The following CEP128 variants were observed in gnomAD, a reference collection of about 807,000 sequenced individuals.
CEP128 encodes the protein centrosomal protein 128.
In CEP128, 132 loss-of-function variants were observed where a neutral mutation model predicts 156.7. That is an observed-to-expected ratio of 0.84 (90% CI 0.73 to 0.97). The LOEUF is 0.97. Ranked by LOEUF, CEP128 falls within the 50% of genes least tolerant of loss-of-function variation. The probability of loss-of-function intolerance (pLI) is 0.00; values close to 1 mark genes in which losing one functional copy is unlikely to be tolerated. For missense variants in CEP128, 1,252 were observed against 1,281.9 expected (o/e 0.98, Z 0.36); for synonymous variants, 469 against 448.9 (o/e 1.04, Z -0.57).
chr14:80,702,530 T>C (rs1897108960), intron 19 of CEP128, among the ~76,000 whole-genome samples: 1 of 152,126 alleles, frequency 6.6e-6, no homozygotes, highest in Non-Finnish European at 1.5e-5. Flanking sequence ...AAATAGCAAT[T>C]AACATTTACT....
At chr14:80,480,122 T>C (rs1251766852) in intron 14 of CEP128, among the ~76,000 whole-genome samples, 1 of 151,974 alleles carries the variant, frequency 6.6e-6, no homozygotes, top group Non-Finnish European at 1.5e-5. Flanking sequence ...GTTGGTGAAA[T>C]CTATTATTCT....
intron 19 of CEP128, among the ~76,000 whole-genome samples, chr14:80,664,399 GC>G (rs1895526812): frequency 6.6e-6 from 1 of 151,894 alleles, no homozygotes; most frequent in African/African-American, 2.4e-5. Context: ...TTAACAGTGA[GC>G]AAGCTGAGAA....
chr14:80,926,983 C>T (rs1025901112), intron 2 of CEP128, among the ~76,000 whole-genome samples: 15 of 152,192 alleles, frequency 9.9e-5, no homozygotes, highest in African/African-American at 3.6e-4. Flanking sequence ...CCCATCAGAG[C>T]CATGCTAGTA....
rs121908869 is a variant in CEP128, at chr14:80,955,802, G to C, written c.-172+2376C>G. On this transcript the variant is annotated intron_variant, in intron 2 of 7. Transcript: ENST00000555529. Reference sequence around the variant, plus strand: ...CAGGAGGAGGACTTCAGAGTCACCTGCAAGGATATTCAACGCATCCCCAGC... The same window carrying C: ...CAGGAGGAGGACTTCAGAGTCACCTCCAAGGATATTCAACGCATCCCCAGC... The C allele has an allele frequency of 3.5e-5, 56 of 1,614,100 alleles. No individual in the cohort carries two copies. Among genetic ancestry groups the C allele is most frequent in the Non-Finnish European group, 4.7e-5 (55 of 1,180,056 alleles).
intron 19 of CEP128, among the ~76,000 whole-genome samples, chr14:80,635,682 A>G (rs1013929550): frequency 1.3e-5 from 2 of 152,226 alleles, no homozygotes; most frequent in African/African-American, 4.8e-5. Context: ...CAGATTTATC[A>G]GCGAACAAAG....
At chr14:80,625,853 T>C (rs1169239002) in intron 19 of CEP128, among the ~76,000 whole-genome samples, 1 of 147,678 alleles carries the variant, frequency 6.8e-6, no homozygotes, top group African/African-American at 2.5e-5. Context: ...TCTCTTTCTT[T>C]CCTTTCTTTC....
intron 19 of CEP128, among the ~76,000 whole-genome samples, chr14:80,703,559 T>C (rs1897142466): frequency 2.0e-5 from 3 of 152,046 alleles, no homozygotes. Context: ...CTATCTGATT[T>C]TCTTATAATA....
chr14:80,584,520 T>C (rs572224457), intron 19 of CEP128, among the ~76,000 whole-genome samples: 1 of 152,242 alleles, frequency 6.6e-6, no homozygotes, highest in East Asian at 1.9e-4. Flanking sequence ...ATCCCCAAAA[T>C]TGCTCACTCC....
At chr14:80,527,748 C>T (rs1315448348) in intron 22 of CEP128, among the ~76,000 whole-genome samples, 2 of 152,168 alleles carry the variant, frequency 1.3e-5, no homozygotes, top group African/African-American at 2.4e-5. Flanking sequence ...TAAACAACAT[C>T]CCACCTTTTA....
At chr14:80,637,087 TAA>T (rs1042460919) in intron 19 of CEP128, among the ~76,000 whole-genome samples, 20 of 123,318 alleles carry the variant, frequency 1.6e-4, no homozygotes, top group Non-Finnish European at 1.6e-4. Context: ...ACTCCGTCTT[TAA>T]AAAAAAAAAA....
At chr14:80,880,040 CTA>C (rs1410045683) in intron 8 of CEP128, among the ~76,000 whole-genome samples, 1 of 152,160 alleles carries the variant, frequency 6.6e-6, no homozygotes, top group Non-Finnish European at 1.5e-5. Context: ...GAGAAGAAAG[CTA>C]TGACAATCTT....
chr14:80,620,686 A>G (rs1029014673), intron 19 of CEP128, among the ~76,000 whole-genome samples: 6 of 152,236 alleles, frequency 3.9e-5, no homozygotes, highest in African/African-American at 1.4e-4. Flanking sequence ...CAGAGAGTTT[A>G]CCACTCATTG....
chr14:80,503,820 G>C (rs1210620130), intron 24 of CEP128, among the ~76,000 whole-genome samples: 1 of 152,096 alleles, frequency 6.6e-6, no homozygotes, highest in Non-Finnish European at 1.5e-5. Flanking sequence ...AAATGATTAG[G>C]ACAGGAAGAC....
In CEP128 at chr14:80,738,964, A is replaced by G. The variant is rs557313141; in HGVS notation, c.2806+4111T>C. ...CTCTAATGCTTTGGATATACATCATATGACAAGCTTTATGCTTTGGAAGCA... is the reference window on the plus strand; with the variant it reads ...CTCTAATGCTTTGGATATACATCATGTGACAAGCTTTATGCTTTGGAAGCA... On this transcript the variant is annotated intron_variant, in intron 19 of 24. Transcript: ENST00000555265. Among the ~76,000 whole-genome samples the G allele has an allele frequency of 1.4e-3, 209 of 152,326 alleles. 2 individuals carry two copies. The highest frequency in any genetic ancestry group is 4.9e-3 in the African/African-American group (204 of 41,584).
chr14:80,861,600 C>A (rs1887515038), intron 9 of CEP128, among the ~76,000 whole-genome samples: 3 of 152,082 alleles, frequency 2.0e-5, no homozygotes, highest in East Asian at 1.9e-4. Context: ...ATTGTTTACA[C>A]CCTGAGAAGT....
At chr14:80,604,340 A>C (rs1378722987) in intron 19 of CEP128, among the ~76,000 whole-genome samples, 1 of 152,202 alleles carries the variant, frequency 6.6e-6, no homozygotes, top group African/African-American at 2.4e-5. Flanking sequence ...GAATGAAAAG[A>C]CATTCTTGAA....
chr14:80,541,736 G>A (rs75245178), intron 21 of CEP128, among the ~76,000 whole-genome samples: 4 of 152,008 alleles, frequency 2.6e-5, no homozygotes, highest in African/African-American at 7.2e-5. Flanking sequence ...CTATGCCATC[G>A]TGACTTTATA....
At chr14:80,626,861 C>T (rs1337329331) in intron 19 of CEP128, among the ~76,000 whole-genome samples, 2 of 152,126 alleles carry the variant, frequency 1.3e-5, no homozygotes, top group African/African-American at 4.8e-5. Flanking sequence ...ACCCAGGAGG[C>T]AGAGGTTGCA....
At chr14:80,629,145 T>C (rs1356789067) in intron 19 of CEP128, among the ~76,000 whole-genome samples, 2 of 45,606 alleles carry the variant, frequency 4.4e-5, no homozygotes, top group Non-Finnish European at 4.2e-5. Context: ...TCTTTCCAAA[T>C]GACTTTGCCA....
Sources: allele counts gnomAD v4.1 joint callset (sites outside exome capture counted in the v4.1 genomes callset), GRCh38; gene constraint gnomAD v4.1.1; transcripts MANE v1.5; gene names NCBI Gene and HGNC (gene_info 2026-07-23, HGNC 2026-07-21).